The following RNF44 variants were observed in gnomAD, a reference collection of about 807,000 sequenced individuals.
RNF44 encodes the protein ring finger protein 44.
In RNF44, 25 loss-of-function variants were observed where a neutral mutation model predicts 53.6. That is an observed-to-expected ratio of 0.47 (90% CI 0.34 to 0.65). RNF44 has a LOEUF of 0.65. Ranked by LOEUF, RNF44 falls within the 30% of genes least tolerant of loss-of-function variation. The pLI is 0.01. For synonymous variants in RNF44, 282 were observed against 252.2 expected (o/e 1.12, Z -1.12); for missense variants, 581 against 595.5 (o/e 0.98, Z 0.25).
Position 176,530,959 on chromosome 5 carries a change from G to A in RNF44, c.528C>T (p.Ile176=). The A allele has an allele frequency of 6.9e-7, 1 of 1,459,392 alleles. No homozygotes were observed. The allele number at this position is 1,459,392 out of a possible 1,614,324, so 90.4% of individuals were successfully genotyped here. Residue 176 remains isoleucine (I), a synonymous_variant, in exon 5 of 11, where the codon ATC becomes ATT. Coordinates refer to ENST00000274811, the MANE Select transcript of RNF44 (RefSeq NM_014901.5). The stretch of plus-strand genomic sequence containing the variant: ...GGTGCAGGATGTAGTGGTCACTGGA[G>A]ATGAGGTGGGGGTAGGCCTGATAGG... The part of the protein sequence containing the change: ...PVPYQAYPHL[I]SSDHYILHPP...
chr5:176,529,057 C>G lies in RNF44; in HGVS notation c.1270G>C (p.Ala424Pro). Residue 424 changes from alanine to proline, a missense_variant, in exon 11 of 11, where the codon GCC (alanine) becomes CCC (proline). Physicochemically the swap from Ala to Pro is conservative, Grantham distance 27. Coordinates refer to ENST00000274811, the MANE Select transcript of RNF44 (RefSeq NM_014901.5). ...NRTCPICRAD[A>P]SEVPREAE The stretch of plus-strand genomic sequence containing the variant: ...TCAGCCTCCCTGGGCACCTCGGAGG[C>G]GTCGGCCCGGCAGATGGGACACGTC... The G allele has an allele frequency of 3.7e-6, 6 of 1,613,008 alleles. No homozygotes were observed. Among genetic ancestry groups the G allele is most frequent in the Non-Finnish European group, 5.1e-6 (6 of 1,179,978 alleles).
intron 1 of RNF44, among the ~76,000 whole-genome samples, chr5:176,536,645 A>T (rs1039951864): frequency 1.3e-5 from 2 of 152,008 alleles, no homozygotes; most frequent in Non-Finnish European, 2.9e-5. Context: ...ATCCCGGACC[A>T]TGTGCTCGGC....
chr5:176,530,405 C>T (rs184629935), intron 6 of RNF44, among the ~76,000 whole-genome samples, 177 bp downstream of exon 6: 2,839 of 104,618 alleles, frequency 0.027, 403 homozygotes, highest in East Asian at 0.19. Flanking sequence ...CCAGCCGCCC[C>T]GGAGCCCAGG....
Position 176,528,568 on chromosome 5 carries a change from T to C in RNF44, c.*460A>G. ...TCAGCCCTGGGGCTCAGGAAATGGC[T>C]CGTGACACCGTCTGTCTACGCACCT... On this transcript the variant is annotated 3_prime_UTR_variant, in exon 11 of 11. Transcript: ENST00000274811. 1 of 166,366 alleles carries C rather than the reference T, an allele frequency of 6.0e-6. No homozygotes were observed. Among genetic ancestry groups the C allele is most frequent in the South Asian group, 1.6e-4 (1 of 6,148 alleles). The allele number at this position is 166,366 out of a possible 1,614,324, so 10.3% of individuals were successfully genotyped here.
At chr5:176,538,131 T>A (rs530546388), upstream of RNF44, 2 of 152,222 alleles carry the variant, frequency 1.3e-5, no homozygotes, top group South Asian at 4.2e-4. Context: ...CAGGTTGTAG[T>A]TTAAAGCAAA....
chr5:176,535,186 C>T (rs1312266131), intron 1 of RNF44, among the ~76,000 whole-genome samples: 1 of 152,218 alleles, frequency 6.6e-6, no homozygotes, highest in Non-Finnish European at 1.5e-5. Context: ...CTTCCCCTCC[C>T]GAGCCTCAGT....
chr5:176,541,106 C>T (rs1270919934), upstream of RNF44, among the ~76,000 whole-genome samples: 1 of 152,178 alleles, frequency 6.6e-6, no homozygotes, highest in African/African-American at 2.4e-5. Flanking sequence ...CATGGAGGGG[C>T]AGACCCTCGC....
In RNF44 at chr5:176,530,917, T is replaced by TGGGGGGGGGGGGGGGG; in HGVS notation, c.569_570insCCCCCCCCCCCCCCCC (p.Gln193ProfsTer144). The TGGGGGGGGGGGGGGGG allele has an allele frequency of 8.6e-6, 2 of 232,828 alleles. No homozygotes were observed. Among genetic ancestry groups the TGGGGGGGGGGGGGGGG allele is most frequent in the Non-Finnish European group, 1.4e-5 (2 of 143,564 alleles). 14.4% of individuals were successfully genotyped at this position (232,828 alleles called of 1,614,324 possible). On this transcript the variant is annotated frameshift_variant, in exon 5 of 11. Transcript: ENST00000274811. LOFTEE classifies it high-confidence loss of function. ...GCGCCATGTGGGTGGGCTGGGGGGGTGGGGCCGGTGGTGGGGGGTGCAGGA... is the reference window on the plus strand; with the variant it reads ...GCGCCATGTGGGTGGGCTGGGGGGGTGGGGGGGGGGGGGGGGGGGGCCGGTGGTGGGGGGTGCAGGA...
chr5:176,542,154 T>C (rs920628013), upstream of RNF44, among the ~76,000 whole-genome samples: 4 of 152,188 alleles, frequency 2.6e-5, no homozygotes, highest in Non-Finnish European at 5.9e-5. Context: ...GCTCCTCTCC[T>C]TCTCAATCTC....
the RNF44 span, among the ~76,000 whole-genome samples, chr5:176,543,225 C>A: frequency 6.8e-6 from 1 of 147,208 alleles, no homozygotes; most frequent in East Asian, 2.0e-4. The surrounding 1 kb of genome is among the most constrained non-coding windows in gnomAD (Gnocchi z 4.0). Flanking sequence ...GCCCTGCGCC[C>A]GGGGCGCTCG....
intron 9 of RNF44, 47 bp from the exon 10 acceptor site, chr5:176,529,434 A>C: frequency 6.2e-7 from 1 of 1,603,778 alleles, no homozygotes; most frequent in Non-Finnish European, 8.5e-7. Flanking sequence ...GGCCATGGGA[A>C]GGCTCAGTGG....
At position 176,529,537 on chromosome 5, in the gene RNF44, C is replaced by G. The variant is rs780341575; in HGVS notation, c.1122G>C (p.Gln374His). The G allele has an allele frequency of 3.0e-5, 48 of 1,613,904 alleles. No homozygotes were observed. Among genetic ancestry groups the G allele is most frequent in the Non-Finnish European group, 3.9e-5 (46 of 1,180,028 alleles). Residue 374 changes from glutamine to histidine, a missense_variant, in exon 9 of 11, where the codon CAG becomes CAC. Coordinates refer to ENST00000274811, the MANE Select transcript of RNF44 (RefSeq NM_014901.5). The stretch of plus-strand genomic sequence containing the variant: ...AGGGTACTCACAGCGTCTGCTCCGA[C>G]TGATGGCTGTCCGGGTTAAAGCGGT... ...PSYRFNPDSH[Q>H]SEQTLCVVCF... is the part of the protein sequence containing the mutation.
chr5:176,535,020 C>T (rs975880142), intron 1 of RNF44, among the ~76,000 whole-genome samples: 4 of 152,190 alleles, frequency 2.6e-5, no homozygotes, highest in Non-Finnish European at 5.9e-5. Flanking sequence ...CCTACAAAGG[C>T]ACCCACTCCC....
At position 176,529,594 on chromosome 5, in the gene RNF44, G is replaced by C; in HGVS notation, c.1065C>G (p.Leu355=). ...ERLGDAKPRG[L]TKADIEQLPS... ...GGAGCTGCTCTATGTCTGCTTTGGT[G>C]AGACCCCGGGGCTTGGCATCTCCCA... Residue 355 remains leucine, a synonymous_variant, in exon 9 of 11, where the codon CTC becomes CTG. Transcript: ENST00000274811. 1 of 1,614,026 alleles carries C rather than the reference G, an allele frequency of 6.2e-7. No individual in the cohort carries two copies. The highest frequency in any genetic ancestry group is 8.5e-7 in the Non-Finnish European group (1 of 1,180,034).
intron 1 of RNF44, among the ~76,000 whole-genome samples, chr5:176,532,747 C>A (rs1251897904): frequency 5.6e-4 from 41 of 72,586 alleles, no homozygotes; most frequent in South Asian, 2.6e-3. Flanking sequence ...ACTCCCGTCT[C>A]AAAAAAAAAA....
At position 176,529,544 on chromosome 5, in the gene RNF44, C is replaced by T. The variant is rs1262754816; in HGVS notation, c.1115G>A (p.Ser372Asn). Residue 372 changes from serine to asparagine, a missense_variant, in exon 9 of 11, where the codon AGC becomes AAC. This residue lies in a region of RNF44 where 183 missense variants were observed against 198.6 expected (regional missense o/e 0.92). Coordinates refer to ENST00000274811, the MANE Select transcript of RNF44 (RefSeq NM_014901.5). Reference sequence around the variant, plus strand: ...TCACAGCGTCTGCTCCGACTGATGGCTGTCCGGGTTAAAGCGGTACGACGG... The same window carrying T: ...TCACAGCGTCTGCTCCGACTGATGGTTGTCCGGGTTAAAGCGGTACGACGG... The part of the protein sequence containing the change: ...QLPSYRFNPD[S>N]HQSEQTLCVV... 6.2e-7 allele frequency: 1 copy of T among 1,614,046 alleles called. No homozygotes were observed. Among genetic ancestry groups the T allele is most frequent in the Admixed American group, 1.7e-5 (1 of 60,026 alleles).
At chr5:176,537,470 G>C (rs1757304935), upstream of RNF44, 1 of 152,232 alleles carries the variant, frequency 6.6e-6, no homozygotes, top group Non-Finnish European at 1.5e-5. Context: ...CCACGCACGT[G>C]ACTAGTGGGC....
chr5:176,539,221 G>C (rs1757389464), upstream of RNF44, among the ~76,000 whole-genome samples: 1 of 152,196 alleles, frequency 6.6e-6, no homozygotes. Flanking sequence ...CAGTGCTATC[G>C]ATGCTCCCTG....
rs1258538905 is a variant in RNF44 at position 176,531,517 on chromosome 5, T to C, written c.411A>G (p.Ala137=). The C allele has an allele frequency of 4.4e-6, 7 of 1,605,016 alleles. No individual in the cohort carries two copies. Among genetic ancestry groups the C allele is most frequent in the Non-Finnish European group, 6.0e-6 (7 of 1,176,112 alleles). ...IPGCSAQQLP[A]CSVMFSGQHY... ...GCTGCCCACTGAACATCACGGAGCA[T>C]GCTGGGAGCTGCTGGGCACTGCAGC... Residue 137 remains alanine, a synonymous_variant, in exon 4 of 11, where the codon GCA becomes GCG. Coordinates refer to ENST00000274811, the MANE Select transcript of RNF44 (RefSeq NM_014901.5). This position sits in a 1 kb window ranked among gnomAD's most constrained non-coding sequence, Gnocchi z 4.2.
Sources: allele counts gnomAD v4.1 joint callset (sites outside exome capture counted in the v4.1 genomes callset), GRCh38; gene constraint gnomAD v4.1.1; regional missense constraint gnomAD v4.1.1; non-coding constraint Gnocchi (gnomAD v3.1); transcripts MANE v1.5; gene names NCBI Gene and HGNC (gene_info 2026-07-23, HGNC 2026-07-21).